ZC3H12D: variants seen among roughly 807,000 people sequenced by gnomAD.
ZC3H12D encodes the protein zinc finger CCCH-type containing 12D, also known as probable ribonuclease ZC3H12D.
Under a neutral mutation model 24.2 loss-of-function variants are expected in ZC3H12D, and 11 were observed. That is an observed-to-expected ratio of 0.46 (90% CI 0.29 to 0.75). The LOEUF (loss-of-function observed/expected upper bound fraction) is 0.75. Among genes scored for constraint, ZC3H12D ranks in the 30% least tolerant of loss-of-function variants. ZC3H12D has a pLI of 0.11. For synonymous variants in ZC3H12D, 333 were observed against 341.8 expected (o/e 0.97, Z 0.28); for missense variants, 740 against 767.7 (o/e 0.96, Z 0.43).
intron 2 of ZC3H12D, among the ~76,000 whole-genome samples, chr6:149,468,402 GTAAC>G (rs1776194053): frequency 6.6e-6 from 1 of 152,228 alleles, no homozygotes; most frequent in Admixed American, 6.5e-5. Flanking sequence ...GCCAGTTTCA[GTAAC>G]TAGACAATCC....
In ZC3H12D at chr6:149,474,329, C is replaced by T. The variant is rs202172414; in HGVS notation, c.215G>A (p.Arg72His). 154 of 1,599,624 alleles carry T rather than the reference C, an allele frequency of 9.6e-5. No homozygotes were observed. Among genetic ancestry groups the T allele is most frequent in the South Asian group, 2.2e-4 (20 of 90,084 alleles). ...CTCTTCCAGGGCTGTCCCCGGGCCA[C>T]GCTGGGCAGAGTCCGGGACCCCACA... ...GSCGVPDSAQ[R>H]GPGTALEEDF... The change falls in exon 2 of 6, where the codon CGT (arginine) becomes CAT (histidine). Residue 72 changes from arginine (R) to histidine (H), a missense_variant. Transcript: ENST00000409806.
rs1775806033 is a variant in ZC3H12D, at chr6:149,447,615, T to C, written c.*3068A>G. The stretch of plus-strand genomic sequence containing the variant: ...GAGAAACTAATAGACAATTTGACAA[T>C]AAAGAATCCAGGTGTGGTAAAAAAT... On this transcript the variant is annotated 3_prime_UTR_variant, in exon 6 of 6. Coordinates refer to ENST00000409806, the MANE Select transcript of ZC3H12D (RefSeq NM_207360.3). 1 of 152,102 alleles carries C rather than the reference T, an allele frequency of 6.6e-6. No individual in the cohort carries two copies. The highest frequency in any genetic ancestry group is 2.1e-4 in the South Asian group (1 of 4,826). The allele number at this position is 152,102 out of a possible 1,614,324, so 9.4% of individuals were successfully genotyped here.
Position 149,474,894 on chromosome 6 carries a change from G to A in ZC3H12D, c.-70-281C>T, listed in dbSNP as rs562766902. ...GGGGCTGAGCGTGCACCTAGCACTCGGGACAGGCCAAACACAGGTTTCTTG... is the reference window on the plus strand; with the variant it reads ...GGGGCTGAGCGTGCACCTAGCACTCAGGACAGGCCAAACACAGGTTTCTTG... On this transcript the variant is annotated intron_variant, in intron 1 of 5. Coordinates refer to ENST00000409806, the MANE Select transcript of ZC3H12D (RefSeq NM_207360.3). Among the ~76,000 whole-genome samples the A allele has an allele frequency of 3.9e-5, 6 of 152,330 alleles. No homozygotes were observed. In the East Asian group the frequency reaches 1.2e-3, roughly 29 times the overall value.
rs1775794106 is a variant in ZC3H12D at position 149,447,169 on chromosome 6, C to G, written c.*3514G>C. ...TCCTGGAAAAGGTGGATTTGAGCCCCTCACATCCCCCCAGGTGGAACAACA... is the reference window on the plus strand; with the variant it reads ...TCCTGGAAAAGGTGGATTTGAGCCCGTCACATCCCCCCAGGTGGAACAACA... On this transcript the variant is annotated 3_prime_UTR_variant, in exon 6 of 6. Coordinates refer to ENST00000409806, the MANE Select transcript of ZC3H12D (RefSeq NM_207360.3). The G allele has an allele frequency of 6.6e-6, 1 of 152,272 alleles. No homozygotes were observed. Among genetic ancestry groups the G allele is most frequent in the Admixed American group, 6.5e-5 (1 of 15,280 alleles). The allele number at this position is 152,272 out of a possible 1,614,324, so 9.4% of individuals were successfully genotyped here. A position where few individuals can be genotyped will look rare whatever the true frequency, so the allele number is the denominator to read the frequency against.
intron 5 of ZC3H12D, 93 bp from the exon 6 acceptor site, chr6:149,451,572 G>A (rs1317136005): frequency 2.6e-6 from 3 of 1,161,526 alleles, no homozygotes; most frequent in Non-Finnish European, 3.5e-6. Context: ...GCCGGCCCGC[G>A]GCCTCTCCGT....
chr6:149,463,954 CA>C (rs1776114387), intron 2 of ZC3H12D, among the ~76,000 whole-genome samples: 2 of 152,134 alleles, frequency 1.3e-5, no homozygotes, highest in South Asian at 4.1e-4. Context: ...ATTTTAGACA[CA>C]TATTGAGCTG....
chr6:149,474,667 G>A (rs1776303507), intron 1 of ZC3H12D, 54 bp from the exon 2 acceptor site: 1 of 947,390 alleles, frequency 1.1e-6, no homozygotes, highest in Non-Finnish European at 1.4e-6. Flanking sequence ...ACTGGGGCAA[G>A]GGCAAGGTGT....
intron 2 of ZC3H12D, among the ~76,000 whole-genome samples, chr6:149,468,982 C>A (rs1262569049): frequency 6.6e-6 from 1 of 152,176 alleles, no homozygotes; most frequent in Non-Finnish European, 1.5e-5. Flanking sequence ...AAGCAAAAAG[C>A]CCTGTGCACT....
Position 149,456,670 on chromosome 6 carries a change from C to T in ZC3H12D, c.676G>A (p.Asp226Asn), listed in dbSNP as rs865786349. ...CAGGACCCCAGCCGGACCTACCGGTCGTTGACGAAGGAGAACATGAGCAGC... is the reference window on the plus strand; with the variant it reads ...CAGGACCCCAGCCGGACCTACCGGTTGTTGACGAAGGAGAACATGAGCAGC... Reference protein sequence around the residue: ...QRLLMFSFVNDRFMPPDDPLG... With the variant: ...QRLLMFSFVNNRFMPPDDPLG... The change falls in exon 4 of 6, where the codon GAC becomes AAC. Residue 226 changes from aspartate to asparagine, a missense_variant. Transcript: ENST00000409806. This position sits in a 1 kb window ranked among gnomAD's most constrained non-coding sequence, Gnocchi z 4.3. 1 of 1,572,444 alleles carries T rather than the reference C, an allele frequency of 6.4e-7. No homozygotes were observed. The highest frequency in any genetic ancestry group is 8.7e-7 in the Non-Finnish European group (1 of 1,156,010).
At chr6:149,453,335 A>G (rs1327573349) in intron 4 of ZC3H12D, among the ~76,000 whole-genome samples, 1 of 151,768 alleles carries the variant, frequency 6.6e-6, no homozygotes, top group Non-Finnish European at 1.5e-5. Flanking sequence ...AGCTTCGCGC[A>G]AGACCTGCTT....
Position 149,474,112 on chromosome 6 carries a change from G to A in ZC3H12D, c.305+127C>T, listed in dbSNP as rs1451358503. The A allele has an allele frequency of 1.1e-5, 8 of 741,394 alleles. No individual in the cohort carries two copies. In the African/African-American group the frequency reaches 1.4e-4, roughly 13 times the overall value. 45.9% of individuals were successfully genotyped at this position (741,394 alleles called of 1,614,324 possible). On this transcript the variant is annotated intron_variant, in intron 2 of 5. Transcript: ENST00000409806. Reference sequence around the variant, plus strand: ...CACACAGTTACTAAGAGATGGTACAGGGATTCAAAGCCTGATCCGTTGGCC... The same window carrying A: ...CACACAGTTACTAAGAGATGGTACAAGGATTCAAAGCCTGATCCGTTGGCC...
chr6:149,467,499 C>G (rs1776181266), intron 2 of ZC3H12D, among the ~76,000 whole-genome samples: 2 of 152,186 alleles, frequency 1.3e-5, no homozygotes, highest in Admixed American at 1.3e-4. Context: ...GGTGATCCTC[C>G]CATGTTGGCC....
At chr6:149,474,959 A>G (rs1776312205) in intron 1 of ZC3H12D, among the ~76,000 whole-genome samples, 1 of 151,250 alleles carries the variant, frequency 6.6e-6, no homozygotes, top group South Asian at 2.1e-4. Context: ...TGACCTCCCA[A>G]ATTCCCATGG....
At chr6:149,481,024 C>T (rs1230931876) in intron 1 of ZC3H12D, among the ~76,000 whole-genome samples, 3 of 151,756 alleles carry the variant, frequency 2.0e-5, no homozygotes, top group Non-Finnish European at 2.9e-5. Context: ...CTGAGGTCCA[C>T]CTGCAGCCCA....
chr6:149,456,637 CA>C lies in ZC3H12D; in HGVS notation c.680+28del. ...CCCGGCCCCCCGCCCCGCCGCCCCCCAGGGTGTCAGGACCCCAGCCGGACCT... is the reference window on the plus strand; with the variant it reads ...CCCGGCCCCCCGCCCCGCCGCCCCCCGGGTGTCAGGACCCCAGCCGGACCT... On this transcript the variant is annotated intron_variant, in intron 4 of 5. Transcript: ENST00000409806. This position sits in a 1 kb window ranked among gnomAD's most constrained non-coding sequence, Gnocchi z 4.3. The C allele has an allele frequency of 6.4e-7, 1 of 1,554,910 alleles. No homozygotes were observed. The highest frequency in any genetic ancestry group is 8.8e-7 in the Non-Finnish European group (1 of 1,130,048).
At chr6:149,473,020 T>C (rs140121404) in intron 2 of ZC3H12D, among the ~76,000 whole-genome samples, 183 of 151,978 alleles carry the variant, frequency 1.2e-3, no homozygotes, top group African/African-American at 4.2e-3. Flanking sequence ...ATACATGACA[T>C]GGGTGACAAT....
At chr6:149,477,230 C>G (rs444784) in intron 1 of ZC3H12D, among the ~76,000 whole-genome samples, 101,646 of 152,218 alleles carry the variant, frequency 0.67, 35,987 homozygotes, top group African/African-American at 0.91. Context: ...TCAGGAGCCA[C>G]AGCAGGTCTA....
At chr6:149,475,647 C>T (rs1313688121) in intron 1 of ZC3H12D, among the ~76,000 whole-genome samples, 2 of 151,134 alleles carry the variant, frequency 1.3e-5, no homozygotes, top group South Asian at 2.1e-4. Flanking sequence ...ACCTGGGAAG[C>T]GGAGTTGTGG....
intron 3 of ZC3H12D, chr6:149,459,586 G>A (rs1047975890): frequency 8.5e-6 from 6 of 703,106 alleles, no homozygotes; most frequent in South Asian, 1.5e-5. Context: ...AGTGGAAGTC[G>A]GGCAAAATCG....
Sources: gnomAD v4.1 joint callset for allele counts (sites outside exome capture counted in the v4.1 genomes callset) on GRCh38, gnomAD v4.1.1 for gene constraint, Gnocchi (gnomAD v3.1) non-coding constraint, MANE v1.5 for transcripts, NCBI Gene and HGNC (gene_info 2026-07-23, HGNC 2026-07-21) for gene names.